C3orf70: variants seen among roughly 807,000 people sequenced by gnomAD.
C3orf70 encodes the protein UPF0524 protein C3orf70.
C3orf70 carries 15 observed loss-of-function variants against 20.7 expected under a neutral mutation model. The observed-to-expected ratio is 0.72, with a 90% CI of 0.48 to 1.11. The LOEUF (loss-of-function observed/expected upper bound fraction) is 1.11. C3orf70 is among the 50% of genes most tolerant of loss of function. The pLI, the probability that C3orf70 is intolerant of heterozygous loss-of-function variation, is 0.00. For missense variants in C3orf70, 332 were observed against 317.6 expected, an observed-to-expected ratio of 1.05 and a Z score of -0.34; for synonymous variants, 161 against 125.7, an observed-to-expected ratio of 1.28 and a Z score of -1.88.
chr3:185,102,231 C>T (rs1430043304), intron 1 of C3orf70, among the ~76,000 whole-genome samples: 1 of 152,188 alleles, frequency 6.6e-6, no homozygotes, highest in African/African-American at 2.4e-5. Context: ...TCTCAGGATA[C>T]AAATTCAATG....
At chr3:185,143,527 T>C (rs960158221) in intron 1 of C3orf70, among the ~76,000 whole-genome samples, 2 of 152,152 alleles carry the variant, frequency 1.3e-5, no homozygotes, top group Non-Finnish European at 2.9e-5. Flanking sequence ...GGTGTTTGTA[T>C]TATACATTGT....
intron 1 of C3orf70, among the ~76,000 whole-genome samples, chr3:185,138,981 A>T (rs1716685865): frequency 6.6e-6 from 1 of 152,092 alleles, no homozygotes; most frequent in Admixed American, 6.6e-5. Flanking sequence ...ATACACCTGT[A>T]GTTCCAGCTA....
intron 1 of C3orf70, among the ~76,000 whole-genome samples, chr3:185,089,533 A>G (rs1449565748): frequency 1.3e-5 from 2 of 152,188 alleles, no homozygotes; most frequent in African/African-American, 2.4e-5. Flanking sequence ...TTGTTGTTAA[A>G]ATACTCCTGT....
At chr3:185,092,881 C>A (rs1447681049) in intron 1 of C3orf70, among the ~76,000 whole-genome samples, 1 of 151,572 alleles carries the variant, frequency 6.6e-6, no homozygotes, top group Admixed American at 6.6e-5. Flanking sequence ...ATCCCAGCTA[C>A]TTGGGAAGCT....
chr3:185,111,089 TA>T (rs1421635256), intron 1 of C3orf70, among the ~76,000 whole-genome samples: 1 of 152,146 alleles, frequency 6.6e-6, no homozygotes, highest in African/African-American at 2.4e-5. Context: ...TGTCTCACAC[TA>T]AGTACAAAAA....
chr3:185,083,533 A>G lies in C3orf70; in HGVS notation c.227T>C (p.Val76Ala), dbSNP rs756738333. 3.1e-6 allele frequency: 5 copies of G among 1,610,668 alleles called. No homozygotes were observed. Among genetic ancestry groups the G allele is most frequent in the Non-Finnish European group, 3.4e-6 (4 of 1,178,874 alleles). Reference sequence around the variant, plus strand: ...AATCTCAGTGCTTGGAAGCTGTTCCACAGGGGTCATAGGCTGATACATGTA... The same window carrying G: ...AATCTCAGTGCTTGGAAGCTGTTCCGCAGGGGTCATAGGCTGATACATGTA... ...CKYMYQPMTP[V>A]EQLPSTEIPA... The change falls in exon 2 of 2, where the codon GTG (valine) becomes GCG (alanine). Residue 76 changes from valine to alanine, a missense_variant. Val to Ala is a moderately conservative substitution (Grantham distance 64). Coordinates refer to ENST00000335012, the MANE Select transcript of C3orf70 (RefSeq NM_001025266.3).
chr3:185,103,952 A>G (rs35165564), intron 1 of C3orf70, among the ~76,000 whole-genome samples: 9,033 of 152,278 alleles, frequency 0.059, 376 homozygotes, highest in South Asian at 0.11. Flanking sequence ...CAGTTATACA[A>G]ACAAGAGAAA....
At chr3:185,116,904 A>C (rs1027302396) in intron 1 of C3orf70, among the ~76,000 whole-genome samples, 1 of 151,350 alleles carries the variant, frequency 6.6e-6, no homozygotes, top group African/African-American at 2.4e-5. Flanking sequence ...TCAGCCTCCC[A>C]AGTAGCTGGG....
chr3:185,098,355 A>G (rs996133154), intron 1 of C3orf70, among the ~76,000 whole-genome samples: 3 of 152,234 alleles, frequency 2.0e-5, no homozygotes, highest in Non-Finnish European at 4.4e-5. Context: ...ATAAAAACCA[A>G]ATAGAATTTC....
At chr3:185,091,961 AT>A (rs1457407576) in intron 1 of C3orf70, among the ~76,000 whole-genome samples, 2 of 7,222 alleles carry the variant, frequency 2.8e-4, no homozygotes, top group Admixed American at 2.1e-3. Context: ...ATATATATAT[AT>A]ATTTTTTTTT....
In C3orf70 at chr3:185,079,531, G is replaced by A. The variant is rs1487089399; in HGVS notation, c.*3476C>T. On this transcript the variant is annotated 3_prime_UTR_variant, in exon 2 of 2. Coordinates refer to ENST00000335012, the MANE Select transcript of C3orf70 (RefSeq NM_001025266.3). Reference sequence around the variant, plus strand: ...TAGTAAAAAAGACCTAGATGTGATAGTAAACCCTTATTTTTTAATATACCA... The same window carrying A: ...TAGTAAAAAAGACCTAGATGTGATAATAAACCCTTATTTTTTAATATACCA... The A allele has an allele frequency of 6.6e-6, 1 of 152,116 alleles. No individual in the cohort carries two copies. Among genetic ancestry groups the A allele is most frequent in the Non-Finnish European group, 1.5e-5 (1 of 68,020 alleles). 9.4% of individuals were successfully genotyped at this position (152,116 alleles called of 1,614,324 possible). A position where few individuals can be genotyped will look rare whatever the true frequency, so the allele number is the denominator to read the frequency against.
rs144749427 is a variant in C3orf70 at position 185,143,003 on chromosome 3, C to T, written c.196+9625G>A. ...GCTAAAGTTACCTAACAATAAAATG[C>T]GATATATGAATCTTGATTGACCCCT... On this transcript the variant is annotated intron_variant, in intron 1 of 1. Coordinates refer to ENST00000335012, the MANE Select transcript of C3orf70 (RefSeq NM_001025266.3). Among the ~76,000 whole-genome samples, 357 of 152,100 alleles carry T rather than the reference C, an allele frequency of 2.3e-3. 1 individual carries two copies. The highest frequency in any genetic ancestry group is 7.7e-3 in the African/African-American group (321 of 41,484).
rs924935328 is a variant in C3orf70 at position 185,077,851 on chromosome 3, T to C, written c.*5156A>G. 6.6e-5 allele frequency among the ~76,000 whole-genome samples: 10 copies of C among 151,616 alleles called. No homozygotes were observed. Among genetic ancestry groups the C allele is most frequent in the African/African-American group, 2.4e-4 (10 of 41,254 alleles). Reference sequence around the variant, plus strand: ...AATGTAGCCAGAGTTCTGGGAGTTATCATGAGTGGTGACTCTGAGTAGATA... The same window carrying C: ...AATGTAGCCAGAGTTCTGGGAGTTACCATGAGTGGTGACTCTGAGTAGATA... On this transcript the variant is annotated 3_prime_UTR_variant, in exon 2 of 2. Coordinates refer to ENST00000335012, the MANE Select transcript of C3orf70 (RefSeq NM_001025266.3).
intron 1 of C3orf70, among the ~76,000 whole-genome samples, chr3:185,140,613 T>G (rs1195998160): frequency 6.6e-6 from 1 of 151,164 alleles, no homozygotes; most frequent in Non-Finnish European, 1.5e-5. Context: ...TAATAATAGG[T>G]CTTGAGGGTA....
At chr3:185,119,373 C>T (rs1186518806) in intron 1 of C3orf70, among the ~76,000 whole-genome samples, 1 of 152,098 alleles carries the variant, frequency 6.6e-6, no homozygotes, top group Non-Finnish European at 1.5e-5. Flanking sequence ...CTAAGAGAAG[C>T]CGGGCGCGGT....
chr3:185,104,278 G>A (rs181929937), intron 1 of C3orf70, among the ~76,000 whole-genome samples: 14 of 152,264 alleles, frequency 9.2e-5, no homozygotes, highest in African/African-American at 3.1e-4. Context: ...ACCCTGACCT[G>A]TTTCAACACC....
intron 1 of C3orf70, among the ~76,000 whole-genome samples, chr3:185,094,886 T>C (rs117995348): frequency 1.3e-5 from 2 of 152,044 alleles, no homozygotes; most frequent in East Asian, 1.9e-4. Flanking sequence ...ATGAAAACCA[T>C]ATGCTCAGAA....
At chr3:185,117,454 A>AAGAGAG (rs3072374) in intron 1 of C3orf70, among the ~76,000 whole-genome samples, 220 of 142,010 alleles carry the variant, frequency 1.5e-3, no homozygotes, top group African/African-American at 4.3e-3. Flanking sequence ...CACACACAGA[A>AAGAGAG]AGAGAGAGAG....
chr3:185,108,033 T>C (rs183627071), intron 1 of C3orf70, among the ~76,000 whole-genome samples: 1 of 152,312 alleles, frequency 6.6e-6, no homozygotes, highest in Admixed American at 6.5e-5. Flanking sequence ...GATATGATCC[T>C]AGAAAAATTA....
Sources: allele counts gnomAD v4.1 joint callset (sites outside exome capture counted in the v4.1 genomes callset), GRCh38; gene constraint gnomAD v4.1.1; transcripts MANE v1.5; gene names NCBI Gene and HGNC (gene_info 2026-07-23, HGNC 2026-07-21).